The following PDE1C variants were observed in gnomAD, a reference collection of about 807,000 sequenced individuals.
PDE1C encodes dual specificity calcium/calmodulin-dependent 3',5'-cyclic nucleotide phosphodiesterase 1C.
Under a neutral mutation model 93.1 loss-of-function variants are expected in PDE1C, and 62 were observed. That is an observed-to-expected ratio of 0.67 (90% confidence interval 0.54 to 0.82). The LOEUF (loss-of-function observed/expected upper bound fraction) is 0.82. PDE1C is among the 40% of genes least tolerant of loss of function. PDE1C has a pLI of 0.00. For missense variants in PDE1C, 742 were observed against 884.6 expected, an observed-to-expected ratio of 0.84 and a Z score of 2.04; for synonymous variants, 325 against 310.1, an observed-to-expected ratio of 1.05 and a Z score of -0.50.
intron 2 of PDE1C, among the ~76,000 whole-genome samples, chr7:31,882,144 A>C (rs761803946): frequency 2.0e-5 from 3 of 152,212 alleles, no homozygotes; most frequent in Non-Finnish European, 4.4e-5. Flanking sequence ...AATAATTTCC[A>C]GGAGTTTCAA....
intron 16 of PDE1C, among the ~76,000 whole-genome samples, chr7:31,779,025 C>A (rs1174309437): frequency 6.6e-6 from 1 of 152,124 alleles, no homozygotes; most frequent in Non-Finnish European, 1.5e-5. Context: ...GGAAGAAAAA[C>A]CTGGGACAAT....
the PDE1C span, among the ~76,000 whole-genome samples, chr7:31,741,432 C>A: frequency 6.6e-6 from 1 of 152,114 alleles, no homozygotes; most frequent in Admixed American, 6.5e-5. Context: ...CAATTATGTG[C>A]AGTATTATCA....
chr7:32,004,569 C>A (rs1009562218), intron 2 of PDE1C, among the ~76,000 whole-genome samples: 2 of 152,120 alleles, frequency 1.3e-5, no homozygotes, highest in East Asian at 1.9e-4. Flanking sequence ...TGGATTTGAA[C>A]CTGGGGTCTT....
At position 32,112,862 on chromosome 7, in the gene PDE1C, A is replaced by G. The variant is rs1167241946; in HGVS notation, c.308+56923T>C. 2.0e-3 allele frequency among the ~76,000 whole-genome samples: 223 copies of G among 113,990 alleles called. 1 individual carries two copies. Among genetic ancestry groups the G allele is most frequent in the African/African-American group, 0.01 (199 of 19,830 alleles). 74.8% of individuals were successfully genotyped at this position (113,990 alleles called of 152,430 possible). A position where few individuals can be genotyped will look rare whatever the true frequency, so the allele number is the denominator to read the frequency against. On this transcript the variant is annotated intron_variant, in intron 3 of 18. Transcript: ENST00000396193. Reference sequence around the variant, plus strand: ...TGTGTGTGTGTATATATATATATATATATATATATATCTCAAACTCCTGCC... The same window carrying G: ...TGTGTGTGTGTATATATATATATATGTATATATATATCTCAAACTCCTGCC...
At chr7:31,646,812 C>T in the PDE1C span, among the ~76,000 whole-genome samples, 6 of 152,122 alleles carry the variant, frequency 3.9e-5, no homozygotes, top group East Asian at 9.6e-4. Context: ...GGCCACCATC[C>T]GAAAGCTTCT....
At chr7:32,000,454 G>A (rs181931714) in intron 2 of PDE1C, among the ~76,000 whole-genome samples, 1 of 152,292 alleles carries the variant, frequency 6.6e-6, no homozygotes, top group African/African-American at 2.4e-5. Context: ...AGAAGGCATA[G>A]GCGTGGAGCA....
intron 3 of PDE1C, among the ~76,000 whole-genome samples, chr7:32,119,634 C>G (rs1010633429): frequency 6.6e-6 from 1 of 152,216 alleles, no homozygotes; most frequent in Non-Finnish European, 1.5e-5. Context: ...GCATGATCCA[C>G]AGAGAGGAAG....
chr7:32,194,752 T>C (rs1043005331), intron 2 of PDE1C, among the ~76,000 whole-genome samples: 2 of 152,244 alleles, frequency 1.3e-5, no homozygotes, highest in Non-Finnish European at 2.9e-5. Context: ...TTACTATATT[T>C]AGACCATTTA....
At chr7:32,331,356 C>A (rs1437043634) in intron 1 of PDE1C, among the ~76,000 whole-genome samples, 3 of 152,146 alleles carry the variant, frequency 2.0e-5, no homozygotes, top group Non-Finnish European at 4.4e-5. Flanking sequence ...AAGACTGACC[C>A]CTGCCTTCAT....
chr7:31,630,734 A>C, the PDE1C span, among the ~76,000 whole-genome samples: 89,152 of 151,836 alleles, frequency 0.59, 26,676 homozygotes, highest in East Asian at 0.83. Context: ...AAAGAAAAAG[A>C]CTCAAAAGGT....
intron 2 of PDE1C, among the ~76,000 whole-genome samples, chr7:31,925,145 C>G (rs1803205757): frequency 6.6e-6 from 1 of 150,664 alleles, no homozygotes; most frequent in Non-Finnish European, 1.5e-5. Context: ...TCATCACTAT[C>G]AAGATAAGAG....
chr7:32,026,788 A>C (rs1789492238), intron 2 of PDE1C, among the ~76,000 whole-genome samples: 1 of 152,172 alleles, frequency 6.6e-6, no homozygotes, highest in Admixed American at 6.5e-5. Flanking sequence ...ATGGTTAAAC[A>C]AACTGTGGTA....
chr7:31,651,737 AG>A, the PDE1C span, among the ~76,000 whole-genome samples: 1 of 151,582 alleles, frequency 6.6e-6, no homozygotes, highest in East Asian at 1.9e-4. Context: ...CTCTTAAAAT[AG>A]GGGAACTATA....
intron 9 of PDE1C, among the ~76,000 whole-genome samples, chr7:31,847,666 G>C (rs893016781): frequency 6.6e-6 from 1 of 151,960 alleles, no homozygotes; most frequent in Non-Finnish European, 1.5e-5. Context: ...ACTCAAACTG[G>C]TTTCACTTCC....
At chr7:31,913,984 G>A (rs1801576331) in intron 2 of PDE1C, among the ~76,000 whole-genome samples, 3 of 152,138 alleles carry the variant, frequency 2.0e-5, no homozygotes, top group Admixed American at 2.0e-4. Context: ...TTTTAAACCA[G>A]CAATTATCCT....
chr7:32,097,961 T>A (rs1282561762), intron 3 of PDE1C, among the ~76,000 whole-genome samples: 1 of 149,624 alleles, frequency 6.7e-6, no homozygotes. Flanking sequence ...CCGGGCGCGG[T>A]GGCTCACGCC....
rs201931831 is a variant in PDE1C at position 31,939,218 on chromosome 7, CAGA to C, written c.129-58361_129-58359del. Among the ~76,000 whole-genome samples, 980 of 151,714 alleles carry C rather than the reference CAGA, an allele frequency of 6.5e-3. 12 individuals are homozygous for C. Among genetic ancestry groups the C allele is most frequent in the African/African-American group, 0.022 (926 of 41,364 alleles). On this transcript the variant is annotated intron_variant, in intron 2 of 17. Coordinates refer to ENST00000396191, the MANE Select transcript of PDE1C (RefSeq NM_001191057.4). ...TCTGTTAAACACACAGAGAGAGAGA[CAGA>C]AGAAGAAGAAGGAGGAGGAGGAGGA...
chr7:31,658,176 T>C, the PDE1C span: 1 of 1,103,244 alleles, frequency 9.1e-7, no homozygotes, highest in African/African-American at 1.6e-5. Context: ...CCATGTAGAT[T>C]TGTGTAAGGA....
At chr7:32,005,148 G>C (rs1002655688) in intron 2 of PDE1C, among the ~76,000 whole-genome samples, 3 of 152,144 alleles carry the variant, frequency 2.0e-5, no homozygotes, top group Non-Finnish European at 2.9e-5. Context: ...CGTAGAATTA[G>C]ACTGAATTGA....
Sources: allele counts gnomAD v4.1 joint callset (sites outside exome capture counted in the v4.1 genomes callset), GRCh38; gene constraint gnomAD v4.1.1; transcripts MANE v1.5; gene names NCBI Gene and HGNC (gene_info 2026-07-23, HGNC 2026-07-21).